WWP2: variants seen among roughly 807,000 people sequenced by gnomAD.
WWP2 encodes NEDD4-like E3 ubiquitin-protein ligase WWP2.
In WWP2, 57 loss-of-function variants were observed where a neutral mutation model predicts 121.0. The observed-to-expected ratio is 0.47, with a 90% CI of 0.38 to 0.59. The LOEUF (loss-of-function observed/expected upper bound fraction) is 0.59. WWP2 is among the 20% of genes least tolerant of loss of function. The pLI is 0.00. For missense variants in WWP2, 962 were observed against 1,158.9 expected (o/e 0.83, Z 2.47); for synonymous variants, 449 against 441.3 (o/e 1.02, Z -0.22).
intron 6 of WWP2, among the ~76,000 whole-genome samples, chr16:69,842,953 G>T (rs1249608913): frequency 6.6e-6 from 1 of 152,174 alleles, no homozygotes; most frequent in Non-Finnish European, 1.5e-5. Context: ...ACAGCCATAA[G>T]CCACTGTATC....
At chr16:69,811,797 G>A (rs1315282489) in intron 4 of WWP2, among the ~76,000 whole-genome samples, 1 of 152,116 alleles carries the variant, frequency 6.6e-6, no homozygotes, top group Non-Finnish European at 1.5e-5. Context: ...TACAAGAATA[G>A]AACAAAGAAC....
intron 4 of WWP2, among the ~76,000 whole-genome samples, chr16:69,805,762 C>A (rs1373634773): frequency 6.7e-6 from 1 of 149,996 alleles, no homozygotes; most frequent in Non-Finnish European, 1.5e-5. Context: ...AGGTGTGTTA[C>A]TAATTTAATT....
chr16:69,925,733 G>A lies in WWP2; in HGVS notation c.1234+249G>A, dbSNP rs1263668984. Among the ~76,000 whole-genome samples the A allele has an allele frequency of 2.0e-5, 3 of 152,188 alleles. No individual in the cohort carries two copies. Among genetic ancestry groups the A allele is most frequent in the South Asian group, 2.1e-4 (1 of 4,824 alleles). On this transcript the variant is annotated intron_variant, in intron 11 of 23. Coordinates refer to ENST00000359154, the MANE Select transcript of WWP2 (RefSeq NM_001270454.2). The surrounding 1 kb of genome is among the most constrained non-coding windows in gnomAD (Gnocchi z 4.0). Reference sequence around the variant, plus strand: ...CATCGCTAAAGGAGTGTGACCCTAAGAAAAGATGTCCCTGAGCAGCTGGGG... The same window carrying A: ...CATCGCTAAAGGAGTGTGACCCTAAAAAAAGATGTCCCTGAGCAGCTGGGG...
At chr16:69,926,041 A>G (rs2058635364) in intron 11 of WWP2, 1 of 152,276 alleles carries the variant, frequency 6.6e-6, no homozygotes, top group African/African-American at 2.4e-5. Context: ...GACTCTGGAA[A>G]CGCATCGCTG....
chr16:69,810,893 T>C (rs753604834), intron 4 of WWP2, among the ~76,000 whole-genome samples: 3 of 152,010 alleles, frequency 2.0e-5, no homozygotes, highest in Non-Finnish European at 2.9e-5. Flanking sequence ...CAGGTGGGAT[T>C]ACAGGTTCAC....
chr16:69,878,412 A>T (rs750161159), intron 7 of WWP2, among the ~76,000 whole-genome samples: 1 of 152,252 alleles, frequency 6.6e-6, no homozygotes, highest in Non-Finnish European at 1.5e-5. Flanking sequence ...GCCTGTATAT[A>T]AAACATGCAG....
Position 69,787,070 on chromosome 16 carries a change from C to G in WWP2, c.60C>G (p.Leu20=). The change falls in exon 2 of 24, where the codon CTC becomes CTG. Residue 20 remains leucine (L), a synonymous_variant. Transcript: ENST00000359154. Reference sequence around the variant, plus strand: ...CCCTGCCTTTTGAGAAGTCTCAGCTCACTTTGAAAGGTGAGTGGCACTGTA... The same window carrying G: ...CCCTGCCTTTTGAGAAGTCTCAGCTGACTTTGAAAGGTGAGTGGCACTGTA... ...GVALPFEKSQ[L]TLKVVSAKPK... 6.2e-7 allele frequency: 1 copy of G among 1,613,430 alleles called. No homozygotes were observed. Among genetic ancestry groups the G allele is most frequent in the Non-Finnish European group, 8.5e-7 (1 of 1,179,742 alleles).
chr16:69,812,385 G>T (rs2056409388), intron 4 of WWP2, among the ~76,000 whole-genome samples: 1 of 150,754 alleles, frequency 6.6e-6, no homozygotes, highest in South Asian at 2.1e-4. Flanking sequence ...GGCTGGTCTT[G>T]ACCTCTTGAC....
At chr16:69,897,948 A>G (rs1449267959) in intron 8 of WWP2, among the ~76,000 whole-genome samples, 2 of 151,520 alleles carry the variant, frequency 1.3e-5, no homozygotes, top group African/African-American at 2.4e-5. Flanking sequence ...AAAAAACACA[A>G]TGAAACAATG....
At chr16:69,784,091 C>CTTTTTTTTTTTTTTTTT (rs61650147) in intron 1 of WWP2, among the ~76,000 whole-genome samples, 12 of 60,862 alleles carry the variant, frequency 2.0e-4, no homozygotes, top group East Asian at 4.7e-4. Context: ...TTCTTTCTTT[C>CTTTTTTTTTTTTTTTTT]TTTTTTTTTT....
intron 6 of WWP2, among the ~76,000 whole-genome samples, chr16:69,870,653 T>G (rs2057618154): frequency 6.6e-6 from 1 of 152,212 alleles, no homozygotes; most frequent in Non-Finnish European, 1.5e-5. Context: ...GTACAAATTG[T>G]CTCTGGGTCT....
chr16:69,826,723 C>CA (rs201663365), intron 4 of WWP2, among the ~76,000 whole-genome samples: 155 of 136,380 alleles, frequency 1.1e-3, no homozygotes, highest in South Asian at 5.6e-3. Flanking sequence ...AATAAAAATA[C>CA]AAAAAAAAAA....
At chr16:69,773,990 C>T (rs1346839984) in intron 1 of WWP2, among the ~76,000 whole-genome samples, 2 of 151,838 alleles carry the variant, frequency 1.3e-5, no homozygotes, top group Non-Finnish European at 2.9e-5. Context: ...CTGTCCCTGG[C>T]CCACCCCAGA....
chr16:69,864,009 G>T (rs1283083822), intron 6 of WWP2, among the ~76,000 whole-genome samples: 1 of 152,194 alleles, frequency 6.6e-6, no homozygotes, highest in African/African-American at 2.4e-5. Flanking sequence ...TACAAGCAAA[G>T]CCTCTATGAG....
chr16:69,795,878 C>T (rs1597680258), intron 2 of WWP2, among the ~76,000 whole-genome samples: 2 of 151,664 alleles, frequency 1.3e-5, no homozygotes, highest in South Asian at 4.2e-4. Flanking sequence ...AAACTCCTGG[C>T]CTCAAGTGAT....
At chr16:69,829,287 C>G (rs1322980325) in intron 4 of WWP2, among the ~76,000 whole-genome samples, 1 of 152,150 alleles carries the variant, frequency 6.6e-6, no homozygotes. Flanking sequence ...GTTTTCCACA[C>G]CAAAGCCAGA....
Position 69,937,764 on chromosome 16 carries a change from T to A in WWP2, c.2343+112T>A. On this transcript the variant is annotated intron_variant, in intron 21 of 23. Transcript: ENST00000359154. The surrounding 1 kb of genome is among the most constrained non-coding windows in gnomAD (Gnocchi z 6.6). The stretch of plus-strand genomic sequence containing the variant: ...CTTCAGCTTTGGCCCTGTCCTTGCC[T>A]CCCACACCTTGCAAAAGGAGACGAT... 1 of 970,556 alleles carries A rather than the reference T, an allele frequency of 1.0e-6. No homozygotes were observed. Among genetic ancestry groups the A allele is most frequent in the Non-Finnish European group, 1.6e-6 (1 of 643,866 alleles). The allele number at this position is 970,556 out of a possible 1,614,324, so 60.1% of individuals were successfully genotyped here.
At chr16:69,775,634 T>C (rs1025237614) in intron 1 of WWP2, among the ~76,000 whole-genome samples, 3 of 152,380 alleles carry the variant, frequency 2.0e-5, no homozygotes, top group Admixed American at 2.0e-4. Flanking sequence ...TATTCTAAAA[T>C]CTGTCCTATC....
intron 4 of WWP2, among the ~76,000 whole-genome samples, chr16:69,815,565 A>G (rs1288151365): frequency 1.3e-5 from 2 of 151,518 alleles, no homozygotes; most frequent in African/African-American, 4.8e-5. Flanking sequence ...AGGTGGGTGG[A>G]TCACAAGGTC....
Sources: gnomAD v4.1 joint callset for allele counts (sites outside exome capture counted in the v4.1 genomes callset) on GRCh38, gnomAD v4.1.1 for gene constraint, Gnocchi (gnomAD v3.1) non-coding constraint, MANE v1.5 for transcripts, NCBI Gene and HGNC (gene_info 2026-07-23, HGNC 2026-07-21) for gene names.